MAST4: variants seen among roughly 807,000 people sequenced by gnomAD.
The protein encoded by MAST4 is microtubule associated serine/threonine kinase family member 4, also known as microtubule-associated serine/threonine-protein kinase 4.
Under a neutral mutation model 162.7 loss-of-function variants are expected in MAST4, and 89 were observed. The observed-to-expected ratio is 0.55, with a 90% confidence interval of 0.46 to 0.65. The LOEUF (loss-of-function observed/expected upper bound fraction) is 0.65. Among genes scored for constraint, MAST4 ranks in the 30% least tolerant of loss-of-function variants. The pLI, the probability that MAST4 is intolerant of heterozygous loss-of-function variation, is 0.00. For synonymous variants in MAST4, 1,479 were observed against 1,361.1 expected (o/e 1.09, Z -1.91); for missense variants, 3,153 against 3,374.0 (o/e 0.93, Z 1.62).
intron 4 of MAST4, among the ~76,000 whole-genome samples, chr5:67,007,105 T>G (rs1421066859): frequency 1.3e-5 from 2 of 152,180 alleles, no homozygotes; most frequent in Non-Finnish European, 2.9e-5. Context: ...AGGCTAGGTA[T>G]CCTCATCTCC....
At chr5:66,935,761 G>T (rs761569192) in intron 4 of MAST4, among the ~76,000 whole-genome samples, 5 of 151,230 alleles carry the variant, frequency 3.3e-5, no homozygotes, top group South Asian at 2.1e-4. Flanking sequence ...TCCGCCTCCC[G>T]GGTTCAAGCA....
chr5:66,628,340 C>CTTTTTTTTTTTTTT (rs34307265), intron 1 of MAST4, among the ~76,000 whole-genome samples: 1 of 136,196 alleles, frequency 7.3e-6, no homozygotes. Context: ...GACTTTTTTT[C>CTTTTTTTTTTTTTT]TTTTTTTTTT....
chr5:66,762,158 C>G (rs961709699), intron 2 of MAST4, among the ~76,000 whole-genome samples: 1 of 152,066 alleles, frequency 6.6e-6, no homozygotes, highest in Admixed American at 6.5e-5. Flanking sequence ...ACAGCTCTAG[C>G]AAGTCAATCC....
chr5:67,113,488 A>G (rs956062996), intron 11 of MAST4, among the ~76,000 whole-genome samples: 6 of 152,148 alleles, frequency 3.9e-5, no homozygotes, highest in South Asian at 2.1e-4. Context: ...CCAAAGTTTT[A>G]TAGGAGACAG....
intron 4 of MAST4, among the ~76,000 whole-genome samples, chr5:66,958,119 CTT>C (rs1428322747): frequency 1.3e-5 from 2 of 148,658 alleles, no homozygotes; most frequent in Admixed American, 6.8e-5. Context: ...CTCTCTCTCT[CTT>C]TGTGTGTGTG....
intron 4 of MAST4, among the ~76,000 whole-genome samples, chr5:67,040,142 A>G (rs1031223120): frequency 1.3e-5 from 2 of 152,158 alleles, no homozygotes; most frequent in Admixed American, 6.5e-5. Flanking sequence ...TCATATCACA[A>G]ATCTGATTTC....
At chr5:66,897,854 T>C (rs1762782423) in intron 3 of MAST4, among the ~76,000 whole-genome samples, 1 of 152,218 alleles carries the variant, frequency 6.6e-6, no homozygotes, top group South Asian at 2.1e-4. Context: ...TTATCCCTTA[T>C]CTTGCTGTTT....
At chr5:66,641,393 A>G (rs1323945390) in intron 1 of MAST4, among the ~76,000 whole-genome samples, 2 of 152,016 alleles carry the variant, frequency 1.3e-5, no homozygotes, top group Non-Finnish European at 2.9e-5. Flanking sequence ...CTGGCCTCAA[A>G]TGATCTGCCT....
At chr5:66,997,449 T>G (rs1750786087) in intron 4 of MAST4, among the ~76,000 whole-genome samples, 2 of 150,414 alleles carry the variant, frequency 1.3e-5, no homozygotes, top group Admixed American at 1.3e-4. Flanking sequence ...TTTTTTTTTT[T>G]GAGATAGAGT....
chr5:67,059,730 G>A (rs1446509233), intron 5 of MAST4, among the ~76,000 whole-genome samples: 1 of 152,132 alleles, frequency 6.6e-6, no homozygotes, highest in Non-Finnish European at 1.5e-5. Context: ...GGATGGAAAG[G>A]AGTTTCACTT....
intron 1 of MAST4, among the ~76,000 whole-genome samples, chr5:66,609,710 T>TTTTG (rs1561210767): frequency 9.4e-6 from 1 of 106,858 alleles, no homozygotes; most frequent in Non-Finnish European, 2.0e-5. Flanking sequence ...TTTTTGTTTT[T>TTTTG]TTTTTTTTGT....
intron 3 of MAST4, among the ~76,000 whole-genome samples, chr5:66,846,143 G>T (rs1270640467): frequency 6.6e-6 from 1 of 152,134 alleles, no homozygotes; most frequent in Non-Finnish European, 1.5e-5. Flanking sequence ...TAGATACCTG[G>T]ATTGAAATCC....
At chr5:66,786,898 AAATC>A (rs745887795) in intron 2 of MAST4, among the ~76,000 whole-genome samples, 8 of 152,174 alleles carry the variant, frequency 5.3e-5, no homozygotes, top group Admixed American at 2.0e-4. Flanking sequence ...TGCTTGGAAA[AAATC>A]AATCTATTAT....
At chr5:66,999,868 A>G (rs1581153429) in intron 4 of MAST4, among the ~76,000 whole-genome samples, 2 of 152,296 alleles carry the variant, frequency 1.3e-5, no homozygotes, top group East Asian at 1.9e-4. Flanking sequence ...ATTCAGGCCT[A>G]TCCCTACAAG....
intron 1 of MAST4, among the ~76,000 whole-genome samples, chr5:66,616,492 G>T (rs767063558): frequency 3.9e-5 from 6 of 152,202 alleles, no homozygotes; most frequent in Non-Finnish European, 5.9e-5. Context: ...GACATCTGGG[G>T]CAGGTGTCTC....
chr5:67,154,801 A>G (rs760143216), intron 26 of MAST4, among the ~76,000 whole-genome samples: 1 of 152,244 alleles, frequency 6.6e-6, no homozygotes, highest in Non-Finnish European at 1.5e-5. Context: ...TCATGAAACC[A>G]AGAGGATACA....
At chr5:66,629,211 A>G (rs1561224123) in intron 1 of MAST4, among the ~76,000 whole-genome samples, 1 of 152,200 alleles carries the variant, frequency 6.6e-6, no homozygotes, top group Non-Finnish European at 1.5e-5. Flanking sequence ...CCGTTTAGAT[A>G]AAAGAAACAT....
intron 4 of MAST4, among the ~76,000 whole-genome samples, chr5:66,979,189 G>A (rs1021233688): frequency 7.2e-5 from 11 of 152,308 alleles, no homozygotes; most frequent in African/African-American, 2.4e-4. Flanking sequence ...CAGCAGCCAA[G>A]TAGAAAGGTC....
intron 1 of MAST4, among the ~76,000 whole-genome samples, chr5:66,684,737 AGTAAT>A: frequency 6.6e-6 from 1 of 152,176 alleles, no homozygotes. Context: ...GAATAATGCT[AGTAAT>A]TTTGGGGGGC....
Sources: allele counts gnomAD v4.1 joint callset (sites outside exome capture counted in the v4.1 genomes callset), GRCh38; gene constraint gnomAD v4.1.1; transcripts MANE v1.5; gene names NCBI Gene and HGNC (gene_info 2026-07-23, HGNC 2026-07-21).